FCHSD2: variants seen among roughly 807,000 people sequenced by gnomAD.
FCHSD2 encodes the protein FCH and double SH3 domains 2, also known as F-BAR and double SH3 domains protein 2.
Under a neutral mutation model 108.1 loss-of-function variants are expected in FCHSD2, and 38 were observed. The observed-to-expected ratio is 0.35, with a 90% CI of 0.27 to 0.46. The LOEUF (loss-of-function observed/expected upper bound fraction) is 0.46, where lower values mean the gene tolerates loss of function less well. Among genes scored for constraint, FCHSD2 ranks in the 20% least tolerant of loss-of-function variants. FCHSD2 has a pLI of 1.00. For missense variants in FCHSD2, 751 were observed against 897.8 expected (o/e 0.84, Z 2.09); for synonymous variants, 279 against 314.7 (o/e 0.89, Z 1.20).
intron 3 of FCHSD2, among the ~76,000 whole-genome samples, chr11:73,057,928 G>A (rs994142071): frequency 1.8e-4 from 27 of 149,918 alleles, no homozygotes; most frequent in Middle Eastern, 3.4e-3. Flanking sequence ...CGCCCAGGCT[G>A]GAGTGCAGTG....
intron 13 of FCHSD2, among the ~76,000 whole-genome samples, chr11:72,853,224 G>A (rs1160080406): frequency 1.3e-5 from 2 of 152,126 alleles, no homozygotes; most frequent in Admixed American, 6.6e-5. Flanking sequence ...CAACAAGGAT[G>A]CCAAGACCAC....
chr11:73,136,128 C>T (rs757516341), intron 2 of FCHSD2, among the ~76,000 whole-genome samples: 29 of 151,368 alleles, frequency 1.9e-4, no homozygotes, highest in Non-Finnish European at 3.2e-4. Flanking sequence ...CCACTGCATT[C>T]CAGCCTGGGC....
intron 11 of FCHSD2, among the ~76,000 whole-genome samples, chr11:72,888,041 G>A (rs1290947879): frequency 2.0e-5 from 3 of 152,206 alleles, no homozygotes; most frequent in Non-Finnish European, 4.4e-5. Flanking sequence ...TGTTGAAGAT[G>A]TTAATTTATG....
At chr11:73,114,258 A>G (rs539749155) in intron 2 of FCHSD2, among the ~76,000 whole-genome samples, 2 of 151,720 alleles carry the variant, frequency 1.3e-5, no homozygotes, top group Non-Finnish European at 1.5e-5. Flanking sequence ...GCCAATGTTC[A>G]CTTCAGGCTC....
At chr11:73,067,559 T>C (rs1859326700) in intron 3 of FCHSD2, among the ~76,000 whole-genome samples, 1 of 152,098 alleles carries the variant, frequency 6.6e-6, no homozygotes, top group Non-Finnish European at 1.5e-5. Flanking sequence ...GGTTCAGTGG[T>C]AGGTCTGCCA....
chr11:73,110,927 C>G (rs1276166004), intron 2 of FCHSD2, among the ~76,000 whole-genome samples: 2 of 152,092 alleles, frequency 1.3e-5, no homozygotes, highest in Non-Finnish European at 2.9e-5. Context: ...CTTCATTAAC[C>G]CACTAGTCAT....
At chr11:73,074,086 C>T (rs965689454) in intron 3 of FCHSD2, among the ~76,000 whole-genome samples, 2 of 151,740 alleles carry the variant, frequency 1.3e-5, no homozygotes, top group African/African-American at 4.8e-5. Context: ...AGTGTGATAT[C>T]GGGAAAAAAA....
intron 9 of FCHSD2, among the ~76,000 whole-genome samples, chr11:72,912,436 T>G (rs1217270441): frequency 3.3e-5 from 5 of 152,222 alleles, no homozygotes; most frequent in Admixed American, 6.5e-5. Flanking sequence ...GAGTGATTTG[T>G]GTATGTTGAA....
chr11:72,964,055 A>G (rs1435369249), intron 8 of FCHSD2, among the ~76,000 whole-genome samples: 1 of 152,266 alleles, frequency 6.6e-6, no homozygotes, highest in African/African-American at 2.4e-5. Flanking sequence ...AATAAATAGT[A>G]GGAAAGCCTA....
intron 14 of FCHSD2, among the ~76,000 whole-genome samples, chr11:72,849,134 T>C (rs1220304088): frequency 6.6e-6 from 1 of 152,172 alleles, no homozygotes; most frequent in Non-Finnish European, 1.5e-5. Context: ...GGACCTTCCC[T>C]TCTGATAGCC....
At position 73,128,958 on chromosome 11, in the gene FCHSD2, A is replaced by G. The variant is rs572439007; in HGVS notation, c.119+11073T>C. On this transcript the variant is annotated intron_variant, in intron 2 of 19. Transcript: ENST00000409418. ...GTGATCTCAGCTCACTGCAACCTCC[A>G]TCTCCCGGGTTCAAGCGATTCTCCT... Among the ~76,000 whole-genome samples the G allele has an allele frequency of 1.2e-4, 19 of 152,082 alleles. No homozygotes were observed. In the East Asian group the frequency reaches 3.5e-3, roughly 28 times the overall value.
In FCHSD2 at chr11:72,887,588, T is replaced by C. The variant is rs1349913278; in HGVS notation, c.1042-14A>G. ...ATCATTTAGAACCTATTAAAGAAAA[T>C]GGGACAATAATGATGACTGTTTTTT... On this transcript the variant is annotated splice_polypyrimidine_tract_variant and intron_variant, in intron 11 of 19. Transcript: ENST00000409418. The C allele has an allele frequency of 1.4e-6, 2 of 1,476,142 alleles. No homozygotes were observed. The highest frequency in any genetic ancestry group is 1.4e-5 in the African/African-American group (1 of 69,000). The allele number at this position is 1,476,142 out of a possible 1,614,324, so 91.4% of individuals were successfully genotyped here.
At chr11:72,975,628 A>G (rs550959945) in intron 8 of FCHSD2, among the ~76,000 whole-genome samples, 167 of 152,106 alleles carry the variant, frequency 1.1e-3, no homozygotes, top group African/African-American at 3.8e-3. Flanking sequence ...CACATACACT[A>G]TAAATATATA....
chr11:72,913,262 A>C (rs1855799775), intron 9 of FCHSD2, among the ~76,000 whole-genome samples: 1 of 152,036 alleles, frequency 6.6e-6, no homozygotes, highest in South Asian at 2.1e-4. Flanking sequence ...GCATCTAGGA[A>C]TTTATCCATT....
At chr11:72,858,097 G>C (rs942320576) in intron 13 of FCHSD2, among the ~76,000 whole-genome samples, 1 of 152,182 alleles carries the variant, frequency 6.6e-6, no homozygotes, top group African/African-American at 2.4e-5. Context: ...TAAAGCATTA[G>C]CTTTTGTTTT....
At chr11:72,909,126 C>G (rs1005119763) in intron 9 of FCHSD2, among the ~76,000 whole-genome samples, 5 of 152,134 alleles carry the variant, frequency 3.3e-5, no homozygotes, top group Admixed American at 3.3e-4. Flanking sequence ...AACCTCCCTG[C>G]CTTGGGCTCC....
At chr11:73,066,295 A>G (rs1370641301) in intron 3 of FCHSD2, among the ~76,000 whole-genome samples, 1 of 152,212 alleles carries the variant, frequency 6.6e-6, no homozygotes, top group Non-Finnish European at 1.5e-5. Flanking sequence ...GGCTAGCCAT[A>G]TGCAGAAAAT....
chr11:72,977,600 T>G (rs982130014), intron 8 of FCHSD2, among the ~76,000 whole-genome samples: 3 of 152,154 alleles, frequency 2.0e-5, no homozygotes, highest in Non-Finnish European at 4.4e-5. Flanking sequence ...CAGTTAGAAT[T>G]TTAGTATATG....
chr11:72,897,128 C>T (rs1855437804), intron 10 of FCHSD2, among the ~76,000 whole-genome samples: 2 of 152,072 alleles, frequency 1.3e-5, no homozygotes, highest in Non-Finnish European at 2.9e-5. Flanking sequence ...CCACCACGCC[C>T]GGCCGTCCTG....
Sources: gnomAD v4.1 joint callset for allele counts (sites outside exome capture counted in the v4.1 genomes callset) on GRCh38, gnomAD v4.1.1 for gene constraint, MANE v1.5 for transcripts, NCBI Gene and HGNC (gene_info 2026-07-23, HGNC 2026-07-21) for gene names.